Variants in IPO5 observed in about 807,000 individuals in gnomAD.
IPO5 encodes the protein importin-5.
A neutral mutation model predicts 143.3 loss-of-function variants in IPO5; 18 were observed. The observed-to-expected ratio is 0.13, with a 90% CI of 0.09 to 0.19. IPO5 has a LOEUF of 0.19. Ranked by LOEUF, IPO5 falls within the 10% of genes least tolerant of loss-of-function variation. The pLI, the probability that IPO5 is intolerant of heterozygous loss-of-function variation, is 1.00. For synonymous variants in IPO5, 477 were observed against 465.7 expected (o/e 1.02, Z -0.31); for missense variants, 1,013 against 1,336.9 (o/e 0.76, Z 3.78).
chr13:97,993,377 C>A, intron 11 of IPO5, 152 bp downstream of exon 11: 5 of 661,816 alleles, frequency 7.6e-6, no homozygotes, highest in Non-Finnish European at 1.3e-5. Flanking sequence ...TCAATACATG[C>A]AAGCGTGGAC....
At chr13:98,013,271 C>T (rs955363571) in intron 21 of IPO5, among the ~76,000 whole-genome samples, 1 of 151,998 alleles carries the variant, frequency 6.6e-6, no homozygotes, top group African/African-American at 2.4e-5. Context: ...TAGAGACGGG[C>T]TTTCACCACG....
chr13:98,014,981 C>T (rs1287652927), intron 22 of IPO5, among the ~76,000 whole-genome samples: 1 of 151,992 alleles, frequency 6.6e-6, no homozygotes, highest in Non-Finnish European at 1.5e-5. Context: ...GAGTCACTTC[C>T]TTTCTCATAC....
chr13:97,999,525 A>T (rs1888585685), intron 12 of IPO5, among the ~76,000 whole-genome samples: 1 of 152,242 alleles, frequency 6.6e-6, no homozygotes, highest in African/African-American at 2.4e-5. Context: ...GAAACAGCAT[A>T]AATATATTTT....
rs1399915910 is a variant in IPO5, at chr13:97,976,899, G to A, written c.90+113G>A. 35 of 197,318 alleles carry A rather than the reference G, an allele frequency of 1.8e-4. No individual in the cohort carries two copies. The East Asian group carries it at 5.8e-3, about 33-fold the overall frequency. 12.2% of individuals were successfully genotyped at this position (197,318 alleles called of 1,614,324 possible). A position where few individuals can be genotyped will look rare whatever the true frequency, so the allele number is the denominator to read the frequency against. ...CGCGGCGGCCGCGCAGGCTGGGCCC[G>A]GCGGGCGGCGGCCGCGCAGCCCACG... is the stretch of plus-strand genomic sequence containing the variant. On this transcript the variant is annotated intron_variant, in intron 4 of 28. Coordinates refer to ENST00000651721, the MANE Select transcript of IPO5 (RefSeq NM_002271.6).
At chr13:98,013,545 C>T (rs1889882727) in intron 21 of IPO5, among the ~76,000 whole-genome samples, 1 of 152,020 alleles carries the variant, frequency 6.6e-6, no homozygotes, top group Non-Finnish European at 1.5e-5. Flanking sequence ...CCCAGGATGC[C>T]AGAGGACAAA....
chr13:97,986,819 T>A (rs1887393705), intron 6 of IPO5: 1 of 152,234 alleles, frequency 6.6e-6, no homozygotes, highest in African/African-American at 2.4e-5. Context: ...AAGCTTTATT[T>A]CCATTTGGTC....
At chr13:97,978,585 T>A (rs1886585839) in intron 4 of IPO5, among the ~76,000 whole-genome samples, 1 of 152,164 alleles carries the variant, frequency 6.6e-6, no homozygotes, top group African/African-American at 2.4e-5. Flanking sequence ...AAAAAAAAAT[T>A]AATGCTTTCT....
Position 97,982,483 on chromosome 13 carries a change from A to ATT in IPO5, c.91-10_91-9dup. 3.8e-5 allele frequency: 46 copies of ATT among 1,218,114 alleles called. No individual in the cohort carries two copies. Among genetic ancestry groups the ATT allele is most frequent in the South Asian group, 6.0e-5 (4 of 67,152 alleles). 75.5% of individuals were successfully genotyped at this position (1,218,114 alleles called of 1,614,324 possible). The stretch of plus-strand genomic sequence containing the variant: ...AGTTTCCTAACATTCTTTCCTAACC[A>ATT]TTTTTTTTTTTCCATGCAGGAAACC... On this transcript the variant is annotated intron_variant, in intron 4 of 28. Transcript: ENST00000651721.
At chr13:97,991,018 A>G (rs1179490223) in intron 9 of IPO5, among the ~76,000 whole-genome samples, 3 of 152,288 alleles carry the variant, frequency 2.0e-5, no homozygotes, top group Admixed American at 6.5e-5. Context: ...AAGATAGAGC[A>G]TATATTCAGG....
At chr13:98,000,263 T>C (rs567431203) in intron 12 of IPO5, among the ~76,000 whole-genome samples, 1 of 151,624 alleles carries the variant, frequency 6.6e-6, no homozygotes, top group South Asian at 2.1e-4. Context: ...CCAGCCTGGG[T>C]GACAGAGCGA....
At chr13:97,979,034 A>G (rs1237129066) in intron 4 of IPO5, among the ~76,000 whole-genome samples, 2 of 152,230 alleles carry the variant, frequency 1.3e-5, no homozygotes, top group African/African-American at 2.4e-5. Flanking sequence ...AGAATTTTCT[A>G]ATTTGACCTC....
At chr13:97,974,200 G>A (rs1454535339) in intron 3 of IPO5, among the ~76,000 whole-genome samples, 1 of 152,090 alleles carries the variant, frequency 6.6e-6, no homozygotes, top group Non-Finnish European at 1.5e-5. Flanking sequence ...ATCGCAACAG[G>A]TGTTAAAAAG....
chr13:97,965,206 G>T (rs555972421), intron 2 of IPO5, among the ~76,000 whole-genome samples: 2 of 152,242 alleles, frequency 1.3e-5, no homozygotes, highest in East Asian at 3.9e-4. Flanking sequence ...GGGGGACAAG[G>T]GAAGGGAGAG....
At chr13:97,971,600 T>A (rs552525964) in intron 3 of IPO5, among the ~76,000 whole-genome samples, 2 of 152,292 alleles carry the variant, frequency 1.3e-5, no homozygotes, top group African/African-American at 4.8e-5. Context: ...GTAGATTTTA[T>A]ATAAACACAA....
rs912945645 is a variant in IPO5, at chr13:98,014,533, A to G, written c.2325+319A>G. 8.5e-5 allele frequency among the ~76,000 whole-genome samples: 13 copies of G among 152,206 alleles called. No individual in the cohort carries two copies. The East Asian group carries it at 1.2e-3, about 14-fold the overall frequency. ...GCCTCCCAGAGTGCTGGGATTGCAG[A>G]TGTAAGGCAGCTAAATAAATTTTTA... On this transcript the variant is annotated intron_variant, in intron 22 of 28. Coordinates refer to ENST00000651721, the MANE Select transcript of IPO5 (RefSeq NM_002271.6).
At chr13:97,969,312 G>C (rs1320119071) in intron 2 of IPO5, among the ~76,000 whole-genome samples, 2 of 150,102 alleles carry the variant, frequency 1.3e-5, no homozygotes, top group Non-Finnish European at 3.0e-5. Context: ...CTCCCGAGTA[G>C]CTGGGACTAC....
At chr13:97,985,651 G>A in intron 6 of IPO5, 38 bp downstream of exon 6, 1 of 1,378,666 alleles carries the variant, frequency 7.3e-7, no homozygotes, top group Non-Finnish European at 1.0e-6. Flanking sequence ...CAAGAACATG[G>A]GTATATCCTT....
At chr13:97,956,875 C>T (rs1393854518) in intron 2 of IPO5, among the ~76,000 whole-genome samples, 1 of 152,066 alleles carries the variant, frequency 6.6e-6, no homozygotes, top group Admixed American at 6.6e-5. Flanking sequence ...TACCAAAATT[C>T]CTATTTTAAG....
chr13:97,956,707 T>G (rs1004127369), intron 2 of IPO5, among the ~76,000 whole-genome samples: 1 of 152,218 alleles, frequency 6.6e-6, no homozygotes, highest in Non-Finnish European at 1.5e-5. Flanking sequence ...TAGAAAAGAT[T>G]TAGCCCTTAT....
Sources: allele counts gnomAD v4.1 joint callset (sites outside exome capture counted in the v4.1 genomes callset), GRCh38; gene constraint gnomAD v4.1.1; transcripts MANE v1.5; gene names NCBI Gene and HGNC (gene_info 2026-07-23, HGNC 2026-07-21).